Variants in VAV3 observed in about 807,000 individuals in gnomAD.
The protein encoded by VAV3 is vav guanine nucleotide exchange factor 3.
A neutral mutation model predicts 131.2 loss-of-function variants in VAV3; 94 were observed. That is an observed-to-expected ratio of 0.72 (90% CI 0.61 to 0.85). The LOEUF is 0.85. Ranked by LOEUF, VAV3 falls within the 40% of genes least tolerant of loss-of-function variation. The pLI is 0.00. For synonymous variants in VAV3, 349 were observed against 342.0 expected, an observed-to-expected ratio of 1.02 and a Z score of -0.22; for missense variants, 939 against 1,002.7, an observed-to-expected ratio of 0.94 and a Z score of 0.86.
chr1:107,688,511 T>C, intron 17 of VAV3, 105 bp from the exon 18 acceptor site: 1 of 1,575,016 alleles, frequency 6.3e-7, no homozygotes, highest in Non-Finnish European at 8.6e-7. Flanking sequence ...CTTTGTTTTC[T>C]TAACTGATAC....
chr1:107,782,357 GA>G (rs1383120244), intron 2 of VAV3, among the ~76,000 whole-genome samples: 2 of 152,036 alleles, frequency 1.3e-5, no homozygotes, highest in Non-Finnish European at 2.9e-5. Flanking sequence ...GCCTCTTTCA[GA>G]AAACTATAGC....
intron 2 of VAV3, among the ~76,000 whole-genome samples, chr1:107,865,893 T>G (rs1669961643): frequency 6.6e-6 from 1 of 152,158 alleles, no homozygotes; most frequent in African/African-American, 2.4e-5. Context: ...GCACCAGAGA[T>G]AAGCAATTTC....
intron 15 of VAV3, among the ~76,000 whole-genome samples, chr1:107,706,828 A>C (rs1357951750): frequency 2.0e-5 from 3 of 152,178 alleles, no homozygotes; most frequent in Non-Finnish European, 4.4e-5. Context: ...GAGTTTTCAA[A>C]CAGAAGTACA....
intron 3 of VAV3, among the ~76,000 whole-genome samples, chr1:107,778,647 G>C (rs1665510829): frequency 6.6e-6 from 1 of 152,164 alleles, no homozygotes; most frequent in Non-Finnish European, 1.5e-5. Context: ...CTCTCCCTTA[G>C]AATGTGAATG....
chr1:107,858,468 C>T (rs1571053040), intron 2 of VAV3, among the ~76,000 whole-genome samples: 1 of 152,232 alleles, frequency 6.6e-6, no homozygotes, highest in East Asian at 1.9e-4. Context: ...TCCCCAACCC[C>T]CAGACCAGTA....
At chr1:107,639,831 G>A (rs1655206721) in intron 20 of VAV3, among the ~76,000 whole-genome samples, 1 of 151,866 alleles carries the variant, frequency 6.6e-6, no homozygotes, top group South Asian at 2.1e-4. Context: ...CTACTCAGGA[G>A]GCTGAGATGG....
At chr1:107,742,528 A>C (rs1193155782) in intron 15 of VAV3, among the ~76,000 whole-genome samples, 1 of 152,242 alleles carries the variant, frequency 6.6e-6, no homozygotes, top group African/African-American at 2.4e-5. Flanking sequence ...AGATAAATTG[A>C]GATTCCAAAC....
At chr1:107,913,592 AGGGCTTTG>A (rs1672466592) in intron 1 of VAV3, among the ~76,000 whole-genome samples, 1 of 152,216 alleles carries the variant, frequency 6.6e-6, no homozygotes, top group Non-Finnish European at 1.5e-5. Flanking sequence ...AAAGATGATC[AGGGCTTTG>A]AAACAATCAT....
chr1:107,583,727 T>C (rs1242436448), intron 25 of VAV3, among the ~76,000 whole-genome samples: 1 of 151,732 alleles, frequency 6.6e-6, no homozygotes, highest in Non-Finnish European at 1.5e-5. Context: ...CAAGGAGAAC[T>C]ACAAACCACT....
At chr1:107,717,914 G>C (rs1239259709) in intron 15 of VAV3, among the ~76,000 whole-genome samples, 1 of 152,092 alleles carries the variant, frequency 6.6e-6, no homozygotes, top group African/African-American at 2.4e-5. Flanking sequence ...TTATGAATCT[G>C]GGTGCTCCTG....
chr1:107,860,244 C>T (rs966921612), intron 2 of VAV3, among the ~76,000 whole-genome samples: 3 of 152,118 alleles, frequency 2.0e-5, no homozygotes, highest in African/African-American at 7.2e-5. Context: ...CCTCAATCTT[C>T]CAAGTACCTG....
intron 1 of VAV3, among the ~76,000 whole-genome samples, chr1:107,919,542 G>A (rs954388998): frequency 5.3e-5 from 8 of 152,186 alleles, no homozygotes; most frequent in African/African-American, 1.7e-4. Context: ...AAGGCCAGGA[G>A]AAGTTAAATG....
intron 25 of VAV3, among the ~76,000 whole-genome samples, chr1:107,594,770 T>C (rs1380341685): frequency 6.6e-6 from 1 of 151,656 alleles, no homozygotes; most frequent in Non-Finnish European, 1.5e-5. Flanking sequence ...AACCACAGAG[T>C]GAAATATGAG....
At chr1:107,704,427 TAATA>T in intron 17 of VAV3, 119 bp downstream of exon 17, 2 of 673,074 alleles carry the variant, frequency 3.0e-6, no homozygotes, top group Non-Finnish European at 4.9e-6. Flanking sequence ...TGCTTATAAA[TAATA>T]GTTTCAAAAG....
chr1:107,787,203 G>C (rs1009685418), intron 2 of VAV3, among the ~76,000 whole-genome samples: 1 of 152,082 alleles, frequency 6.6e-6, no homozygotes, highest in African/African-American at 2.4e-5. Context: ...CTTCTGTCCT[G>C]GTTATTGCTC....
chr1:107,827,279 C>T (rs1668058304), intron 2 of VAV3, among the ~76,000 whole-genome samples: 1 of 152,026 alleles, frequency 6.6e-6, no homozygotes, highest in South Asian at 2.1e-4. Flanking sequence ...TAGTTCTTCC[C>T]TTCTCTCAAA....
chr1:107,591,103 T>G (rs1195385279), intron 25 of VAV3, among the ~76,000 whole-genome samples: 2 of 152,156 alleles, frequency 1.3e-5, no homozygotes, highest in Non-Finnish European at 2.9e-5. Context: ...AACGACCTCT[T>G]TGCTATGCAG....
At chr1:107,957,325 T>C (rs1674864524) in intron 1 of VAV3, among the ~76,000 whole-genome samples, 2 of 152,182 alleles carry the variant, frequency 1.3e-5, no homozygotes, top group African/African-American at 4.8e-5. Flanking sequence ...TCTCTGGCCT[T>C]ATCTTCTGTT....
rs192727080 is a variant in VAV3 at position 107,872,778 on chromosome 1, T to C, written c.321+2123A>G. Among the ~76,000 whole-genome samples the C allele has an allele frequency of 1.1e-3, 165 of 152,292 alleles. 1 individual carries two copies. Among genetic ancestry groups the C allele is most frequent in the African/African-American group, 3.9e-3 (161 of 41,584 alleles). ...TTCAAACTGCTGCTTCAATCTCAAA[T>C]AGATATGTGATTTGGGATGCAGAAG... On this transcript the variant is annotated intron_variant, in intron 2 of 26. Coordinates refer to ENST00000370056, the MANE Select transcript of VAV3 (RefSeq NM_006113.5).
Sources: gnomAD v4.1 joint callset for allele counts (sites outside exome capture counted in the v4.1 genomes callset) on GRCh38, gnomAD v4.1.1 for gene constraint, MANE v1.5 for transcripts, NCBI Gene and HGNC (gene_info 2026-07-23, HGNC 2026-07-21) for gene names.